TCTN3: variants seen among roughly 807,000 people sequenced by gnomAD.
TCTN3 encodes tectonic family member 3, also known as tectonic-3.
TCTN3 carries 57 observed loss-of-function variants against 71.3 expected under a neutral mutation model. The observed-to-expected ratio is 0.80, with a 90% CI of 0.65 to 1.00. TCTN3 has a LOEUF of 1.00. Among genes scored for constraint, TCTN3 ranks in the 50% least tolerant of loss-of-function variants. TCTN3 has a pLI of 0.00. For missense variants in TCTN3, 696 were observed against 719.9 expected (o/e 0.97, Z 0.38); for synonymous variants, 258 against 267.8 (o/e 0.96, Z 0.36).
intron 3 of TCTN3, among the ~76,000 whole-genome samples, chr10:95,690,974 T>A (rs1417652280): frequency 6.6e-6 from 1 of 152,128 alleles, no homozygotes; most frequent in African/African-American, 2.4e-5. Flanking sequence ...TAACTACTAT[T>A]GGAAGTGGCC....
In TCTN3 at chr10:95,693,809, C is replaced by T. The variant is rs1409085929; in HGVS notation, c.91G>A (p.Ala31Thr). Residue 31 changes from alanine (A) to threonine (T), a missense_variant, in exon 1 of 14, where the codon GCA (alanine) becomes ACA (threonine). By Grantham distance (58) the Ala-to-Thr change is moderately conservative (BLOSUM62 0). Coordinates refer to ENST00000371217, the MANE Select transcript of TCTN3 (RefSeq NM_015631.6). Reference protein sequence around the residue: ...RPQPSSSPSGAVPTSLELQRG... With the variant: ...RPQPSSSPSGTVPTSLELQRG... ...TGCAGCTCCAAAGACGTGGGCACTG[C>T]CCCTGATGGGGAGGAAGAGGGCTGA... 1.9e-6 allele frequency: 3 copies of T among 1,551,582 alleles called. No homozygotes were observed. The highest frequency in any genetic ancestry group is 1.7e-6 in the Non-Finnish European group (2 of 1,147,006).
At chr10:95,687,778 A>G (rs888185444) in intron 3 of TCTN3, 59 bp from the exon 4 acceptor site, 2 of 1,559,470 alleles carry the variant, frequency 1.3e-6, no homozygotes, top group African/African-American at 2.8e-5. Context: ...CCAAGTAACT[A>G]ATTTTAAAAA....
intron 3 of TCTN3, among the ~76,000 whole-genome samples, chr10:95,691,275 C>T (rs1038900969): frequency 6.6e-6 from 1 of 152,154 alleles, no homozygotes; most frequent in Admixed American, 6.5e-5. Flanking sequence ...GCCTCAGCCT[C>T]CCAACTAGCT....
chr10:95,690,417 G>A (rs917778927), intron 3 of TCTN3, among the ~76,000 whole-genome samples: 15 of 152,092 alleles, frequency 9.9e-5, no homozygotes, highest in South Asian at 4.1e-4. Flanking sequence ...GTTCTAAGAC[G>A]GTGACTCAAA....
In TCTN3 at chr10:95,693,769, C is replaced by T. The variant is rs1359250932; in HGVS notation, c.131G>A (p.Gly44Asp). 13 of 1,551,634 alleles carry T rather than the reference C, an allele frequency of 8.4e-6. No homozygotes were observed. Among genetic ancestry groups the T allele is most frequent in the Non-Finnish European group, 1.1e-5 (13 of 1,147,004 alleles). ...CTCTGAAGGGGACTGGAGGGTTCCG[C>T]CATCCGTCCCTCGCTGCAGCTCCAA... ...TSLELQRGTDGGTLQSPSEAT... is the reference protein window; with the variant it reads ...TSLELQRGTDDGTLQSPSEAT... Residue 44 changes from glycine to aspartate, a missense_variant, in exon 1 of 14, where the codon GGC (glycine) becomes GAC (aspartate). Physicochemically the swap from Gly to Asp is moderately conservative, Grantham distance 94. Transcript: ENST00000371217.
intron 13 of TCTN3, among the ~76,000 whole-genome samples, chr10:95,675,523 GA>G (rs2097936126): frequency 6.6e-6 from 1 of 152,294 alleles, no homozygotes; most frequent in Admixed American, 6.5e-5. Context: ...TAGCTATTAG[GA>G]AACCACAGAA....
rs768137956 is a variant in TCTN3, at chr10:95,680,487, C to A, written c.1575G>T (p.Gln525His). The change falls in exon 13 of 14, where the codon CAG (glutamine) becomes CAT (histidine). Residue 525 changes from glutamine to histidine, a missense_variant. By Grantham distance (24) the Gln-to-His change is conservative (BLOSUM62 0). Coordinates refer to ENST00000371217, the MANE Select transcript of TCTN3 (RefSeq NM_015631.6). ...CATGACTTACCTGTATAGACTGGCA[C>A]TGGTATAGGAATCGAACTCCTGATA... ...AHVSGVRFLY[Q>H]CQSIQDSQQV... 4.3e-6 allele frequency: 7 copies of A among 1,613,902 alleles called. No individual in the cohort carries two copies. Among genetic ancestry groups the A allele is most frequent in the South Asian group, 1.1e-5 (1 of 91,068 alleles).
At chr10:95,677,746 G>A (rs557902308) in intron 13 of TCTN3, among the ~76,000 whole-genome samples, 2 of 152,104 alleles carry the variant, frequency 1.3e-5, no homozygotes, top group African/African-American at 2.4e-5. Flanking sequence ...GGTGAAGGGC[G>A]GGTTGGCTTA....
At position 95,686,907 on chromosome 10, in the gene TCTN3, C is replaced by T. The variant is rs957765668; in HGVS notation, c.852+137G>A. On this transcript the variant is annotated intron_variant, in intron 6 of 13. Coordinates refer to ENST00000371217, the MANE Select transcript of TCTN3 (RefSeq NM_015631.6). Reference sequence around the variant, plus strand: ...TTTCATTTGTCTTCAGATGTGGTTTCCAGGCCCTCTGTCTTTTACGTGGCT... The same window carrying T: ...TTTCATTTGTCTTCAGATGTGGTTTTCAGGCCCTCTGTCTTTTACGTGGCT... 18 of 694,934 alleles carry T rather than the reference C, an allele frequency of 2.6e-5. No homozygotes were observed. The African/African-American group carries it at 3.2e-4, about 13-fold the overall frequency. 43.0% of individuals were successfully genotyped at this position (694,934 alleles called of 1,614,324 possible).
In TCTN3 at chr10:95,680,626, A is replaced by C. The variant is rs147156502; in HGVS notation, c.1453-17T>G. ...GTTTATAGCCTGCAGAAGGGTAAAGAAGCATCTGCTTGAATTGCCTGATGG... is the reference window on the plus strand; with the variant it reads ...GTTTATAGCCTGCAGAAGGGTAAAGCAGCATCTGCTTGAATTGCCTGATGG... On this transcript the variant is annotated splice_polypyrimidine_tract_variant and intron_variant, in intron 12 of 13. Coordinates refer to ENST00000371217, the MANE Select transcript of TCTN3 (RefSeq NM_015631.6). The C allele has an allele frequency of 3.7e-6, 6 of 1,610,790 alleles. No individual in the cohort carries two copies. The East Asian group carries it at 8.9e-5, about 24-fold the overall frequency.
At chr10:95,689,764 C>G (rs1383485565) in intron 3 of TCTN3, among the ~76,000 whole-genome samples, 1 of 152,134 alleles carries the variant, frequency 6.6e-6, no homozygotes, top group African/African-American at 2.4e-5. Context: ...ATTTCTATTA[C>G]AATTTCAGAT....
At chr10:95,683,437 CT>C (rs1566072318) in intron 10 of TCTN3, 84 bp downstream of exon 10, 11 of 1,608,362 alleles carry the variant, frequency 6.8e-6, no homozygotes, top group Non-Finnish European at 9.3e-6. Context: ...AATTCCTCAC[CT>C]TTGGCTAGTC....
At chr10:95,672,160 T>G (rs111334278) in intron 13 of TCTN3, among the ~76,000 whole-genome samples, 5 of 139,562 alleles carry the variant, frequency 3.6e-5, no homozygotes, top group East Asian at 2.0e-4. Flanking sequence ...ATTATTATTA[T>G]TGTGTGTGTG....
chr10:95,685,838 C>G (rs1049836785), intron 7 of TCTN3, among the ~76,000 whole-genome samples: 1 of 152,172 alleles, frequency 6.6e-6, no homozygotes, highest in Non-Finnish European at 1.5e-5. Flanking sequence ...AACACTAGTT[C>G]TATTAAATAT....
At chr10:95,689,480 T>C (rs2097951693) in intron 3 of TCTN3, among the ~76,000 whole-genome samples, 1 of 152,182 alleles carries the variant, frequency 6.6e-6, no homozygotes, top group Non-Finnish European at 1.5e-5. Context: ...GGAGGAGATA[T>C]TTACCTCATG....
intron 13 of TCTN3, among the ~76,000 whole-genome samples, chr10:95,676,613 G>A (rs2097937446): frequency 6.6e-6 from 1 of 152,132 alleles, no homozygotes; most frequent in Non-Finnish European, 1.5e-5. Flanking sequence ...TTATGTACAT[G>A]TGTGTTGCAA....
chr10:95,690,635 C>T (rs996721593), intron 3 of TCTN3, among the ~76,000 whole-genome samples: 1 of 152,116 alleles, frequency 6.6e-6, no homozygotes, highest in Non-Finnish European at 1.5e-5. Context: ...GGGTCAAGTA[C>T]AGAGTAATGC....
intron 9 of TCTN3, among the ~76,000 whole-genome samples, chr10:95,683,850 G>A (rs758332474): frequency 8.6e-5 from 13 of 152,028 alleles, no homozygotes; most frequent in Non-Finnish European, 1.2e-4. Context: ...TTCATAATAC[G>A]CTACTTTTAC....
rs991450256 is a variant in TCTN3 at position 95,687,532 on chromosome 10, G to A, written c.627+60C>T. On this transcript the variant is annotated intron_variant, in intron 4 of 13. Transcript: ENST00000371217. Reference sequence around the variant, plus strand: ...GTAGTGCTGCAAAGTTACCTTGTCAGCTGTCTGCTGTGAGAGTAAAAACTA... The same window carrying A: ...GTAGTGCTGCAAAGTTACCTTGTCAACTGTCTGCTGTGAGAGTAAAAACTA... The A allele has an allele frequency of 1.4e-5, 22 of 1,598,988 alleles. No individual in the cohort carries two copies. In the South Asian group the frequency reaches 1.8e-4, roughly 13 times the overall value.
Sources: allele counts gnomAD v4.1 joint callset (sites outside exome capture counted in the v4.1 genomes callset), GRCh38; gene constraint gnomAD v4.1.1; transcripts MANE v1.5; gene names NCBI Gene and HGNC (gene_info 2026-07-23, HGNC 2026-07-21).